CSMD1: variants seen among roughly 807,000 people sequenced by gnomAD.
CSMD1 encodes CUB and sushi domain-containing protein 1.
CSMD1 carries 213 observed loss-of-function variants against 417.5 expected under a neutral mutation model. The observed-to-expected ratio is 0.51, with a 90% confidence interval of 0.46 to 0.57. CSMD1 has a LOEUF of 0.57. Among genes scored for constraint, CSMD1 ranks in the 20% least tolerant of loss-of-function variants. The pLI, the probability that CSMD1 is intolerant of heterozygous loss-of-function variation, is 0.00. For missense variants in CSMD1, 6,923 were observed against 4,529.7 expected (o/e 1.53, Z -15.17); for synonymous variants, 2,862 against 1,736.8 (o/e 1.65, Z -16.11).
rs113530911 is a variant in CSMD1 at position 3,460,091 on chromosome 8, A to G, written c.1561+8621T>C. On this transcript the variant is annotated intron_variant, in intron 12 of 69. Transcript: ENST00000635120. The stretch of plus-strand genomic sequence containing the variant: ...CCCAGAGCTTCTGTCTCCTGGGAAG[A>G]AAGGCAATTAAACAATTGTTGGGAT... Among the ~76,000 whole-genome samples, 1,309 of 152,254 alleles carry G rather than the reference A, an allele frequency of 8.6e-3. 23 individuals are homozygous for G. Among genetic ancestry groups the G allele is most frequent in the African/African-American group, 0.029 (1,200 of 41,540 alleles).
intron 6 of CSMD1, among the ~76,000 whole-genome samples, chr8:3,745,267 G>C (rs117280880): frequency 0.016 from 2,409 of 152,282 alleles, 27 homozygotes; most frequent in South Asian, 0.028. Context: ...CCCTGGAGGA[G>C]AATATGCCAC....
chr8:3,281,288 C>CAAAAAAA lies in CSMD1; in HGVS notation c.4153+2849_4153+2855dup, dbSNP rs548393153. The stretch of plus-strand genomic sequence containing the variant: ...TGAAACCCTGTCTAGGCTAAAAATA[C>CAAAAAAA]AAAAAAATAGCCAGGTGTGTTGGTG... On this transcript the variant is annotated intron_variant, in intron 26 of 69. Coordinates refer to ENST00000635120, the MANE Select transcript of CSMD1 (RefSeq NM_033225.6). Among the ~76,000 whole-genome samples the CAAAAAAA allele has an allele frequency of 1.6e-3, 249 of 151,894 alleles. 3 individuals are homozygous for CAAAAAAA. The highest frequency in any genetic ancestry group is 5.9e-3 in the African/African-American group (245 of 41,386).
chr8:4,605,367 T>G (rs934004759), intron 2 of CSMD1, among the ~76,000 whole-genome samples: 1 of 152,294 alleles, frequency 6.6e-6, no homozygotes, highest in South Asian at 2.1e-4. Flanking sequence ...AAAGAGAGGT[T>G]GAGTCCTGTA....
At chr8:3,771,963 G>A (rs1266180093) in intron 5 of CSMD1, among the ~76,000 whole-genome samples, 1 of 151,918 alleles carries the variant, frequency 6.6e-6, no homozygotes, top group African/African-American at 2.4e-5. Context: ...CTGGCATTCA[G>A]CAATTACAGC....
chr8:3,362,223 C>A lies in CSMD1; in HGVS notation c.3116-2883G>T, dbSNP rs112248133. On this transcript the variant is annotated intron_variant, in intron 20 of 69. Transcript: ENST00000635120. ...CAGTCACCCAGCCACCATATCCCTA[C>A]TCTGGTTATCATTAGCACAAATTTT... Among the ~76,000 whole-genome samples the A allele has an allele frequency of 3.1e-3, 470 of 152,302 alleles. 3 individuals carry two copies. The highest frequency in any genetic ancestry group is 0.011 in the African/African-American group (441 of 41,570).
At chr8:4,593,247 C>T (rs939107659) in intron 2 of CSMD1, among the ~76,000 whole-genome samples, 2 of 152,166 alleles carry the variant, frequency 1.3e-5, no homozygotes, top group African/African-American at 4.8e-5. Context: ...ATGGAATTTC[C>T]GCAGGAACAT....
intron 8 of CSMD1, among the ~76,000 whole-genome samples, chr8:3,600,745 C>G (rs1002923899): frequency 6.6e-6 from 1 of 152,166 alleles, no homozygotes; most frequent in South Asian, 2.1e-4. Context: ...TATCCCCACT[C>G]TATCACAGGA....
At chr8:3,105,605 T>A (rs757224750) in intron 46 of CSMD1, among the ~76,000 whole-genome samples, 1 of 152,246 alleles carries the variant, frequency 6.6e-6, no homozygotes, top group Non-Finnish European at 1.5e-5. Flanking sequence ...CTTGTTCTAT[T>A]ATTGTATATT....
At chr8:4,010,133 T>C (rs1358783808) in intron 4 of CSMD1, among the ~76,000 whole-genome samples, 6 of 152,194 alleles carry the variant, frequency 3.9e-5, no homozygotes, top group Admixed American at 1.3e-4. Context: ...AACCTGAATG[T>C]CTTCTCTGAA....
At chr8:4,301,730 G>A (rs929465091) in intron 3 of CSMD1, among the ~76,000 whole-genome samples, 1 of 152,086 alleles carries the variant, frequency 6.6e-6, no homozygotes, top group Non-Finnish European at 1.5e-5. Context: ...TGTTGCTGTG[G>A]GTTTCATCTT....
At chr8:4,408,513 A>T (rs565424497) in intron 3 of CSMD1, among the ~76,000 whole-genome samples, 26 of 152,218 alleles carry the variant, frequency 1.7e-4, no homozygotes, top group Non-Finnish European at 3.5e-4. Flanking sequence ...TCAAGCTTCT[A>T]AACAATTCTT....
intron 10 of CSMD1, among the ~76,000 whole-genome samples, chr8:3,546,128 T>C (rs916032542): frequency 2.0e-5 from 3 of 152,230 alleles, no homozygotes; most frequent in African/African-American, 7.2e-5. Context: ...TTGCTGTGCA[T>C]AGGTGTCTCA....
intron 10 of CSMD1, among the ~76,000 whole-genome samples, chr8:3,510,187 G>A (rs969208323): frequency 2.0e-5 from 3 of 149,694 alleles, no homozygotes; most frequent in Non-Finnish European, 2.9e-5. Flanking sequence ...AGTAGGGTGT[G>A]CTGTACTGTG....
chr8:3,577,091 G>C (rs1800180929), intron 9 of CSMD1, among the ~76,000 whole-genome samples: 1 of 152,186 alleles, frequency 6.6e-6, no homozygotes, highest in African/African-American at 2.4e-5. Flanking sequence ...GGTGGGCTCA[G>C]CCTGTCATTG....
At chr8:4,200,844 T>A (rs1182655957) in intron 3 of CSMD1, among the ~76,000 whole-genome samples, 1 of 152,152 alleles carries the variant, frequency 6.6e-6, no homozygotes. Flanking sequence ...AGTGACAAAG[T>A]GAAACCCTGT....
intron 5 of CSMD1, among the ~76,000 whole-genome samples, chr8:3,828,037 T>C (rs886405254): frequency 4.6e-5 from 7 of 152,228 alleles, no homozygotes; most frequent in African/African-American, 7.2e-5. Context: ...GATTTGTGTG[T>C]GATATACTCC....
chr8:4,775,623 C>T (rs1364395561), intron 1 of CSMD1, among the ~76,000 whole-genome samples: 2 of 152,110 alleles, frequency 1.3e-5, no homozygotes, highest in Non-Finnish European at 2.9e-5. Flanking sequence ...TACAAGCAAA[C>T]TTTAGACAAC....
At chr8:4,733,611 G>A (rs1353305738) in intron 1 of CSMD1, among the ~76,000 whole-genome samples, 1 of 152,184 alleles carries the variant, frequency 6.6e-6, no homozygotes, top group South Asian at 2.1e-4. Context: ...CAAAGGCCTG[G>A]AAAGCATTTT....
chr8:3,947,998 G>C (rs1309653281), intron 5 of CSMD1, among the ~76,000 whole-genome samples: 1 of 152,172 alleles, frequency 6.6e-6, no homozygotes, highest in Non-Finnish European at 1.5e-5. Flanking sequence ...CTGAAGTCAG[G>C]TGTTCGAGAC....
Sources: gnomAD v4.1 joint callset for allele counts (sites outside exome capture counted in the v4.1 genomes callset) on GRCh38, gnomAD v4.1.1 for gene constraint, MANE v1.5 for transcripts, NCBI Gene and HGNC (gene_info 2026-07-23, HGNC 2026-07-21) for gene names.